Variants in SLC14A2 observed in about 807,000 individuals in gnomAD.
SLC14A2 encodes solute carrier family 14 member 2, also known as urea transporter 2.
A neutral mutation model predicts 104.6 loss-of-function variants in SLC14A2; 91 were observed. The ratio of observed to expected loss-of-function variants is 0.87; its 90% CI spans 0.73 to 1.04. The LOEUF (loss-of-function observed/expected upper bound fraction) is 1.04. Among genes scored for constraint, SLC14A2 ranks in the 50% least tolerant of loss-of-function variants. The pLI, the probability that SLC14A2 is intolerant of heterozygous loss-of-function variation, is 0.00. For synonymous variants in SLC14A2, 476 were observed against 466.4 expected (o/e 1.02, Z -0.27); for missense variants, 1,189 against 1,156.0 (o/e 1.03, Z -0.41).
At chr18:45,323,115 T>C (rs958162774) in intron 1 of SLC14A2, among the ~76,000 whole-genome samples, 2 of 152,214 alleles carry the variant, frequency 1.3e-5, no homozygotes, top group Non-Finnish European at 2.9e-5. Flanking sequence ...AAGGCTATTT[T>C]TTCAGAGTAA....
rs185348858 is a variant in SLC14A2, at chr18:45,561,416, G to A, written c.-34-63215G>A. ...GCAGTTTGTCTGCTGCTAGGGCTGC[G>A]GAACCCAGGCCAGGTGTTCCAGAGG... On this transcript the variant is annotated intron_variant, in intron 2 of 20. Transcript: ENST00000586448. 7.6e-4 allele frequency among the ~76,000 whole-genome samples: 116 copies of A among 152,222 alleles called. 3 individuals are homozygous for A. The East Asian group carries it at 0.013, about 17-fold the overall frequency.
chr18:45,391,687 C>T (rs1034117512), intron 1 of SLC14A2, among the ~76,000 whole-genome samples: 7 of 152,172 alleles, frequency 4.6e-5, no homozygotes, highest in Admixed American at 6.6e-5. Flanking sequence ...TGATGATGAG[C>T]ATTTTTTCAT....
chr18:45,502,298 C>A (rs1226925539), intron 2 of SLC14A2, among the ~76,000 whole-genome samples: 1 of 152,174 alleles, frequency 6.6e-6, no homozygotes. Context: ...TTTCACATAT[C>A]ATCTTGAACT....
intron 2 of SLC14A2, among the ~76,000 whole-genome samples, chr18:45,517,928 G>A (rs1223264668): frequency 6.6e-6 from 1 of 152,162 alleles, no homozygotes; most frequent in Non-Finnish European, 1.5e-5. Context: ...AGAATAAGGT[G>A]CTTATTGTAA....
intron 1 of SLC14A2, among the ~76,000 whole-genome samples, chr18:45,236,417 ATG>A (rs1395606878): frequency 8.2e-5 from 2 of 24,426 alleles, no homozygotes; most frequent in South Asian, 3.0e-3. Context: ...ATATACATGT[ATG>A]TGTGTATATA....
chr18:45,225,796 T>C (rs909654197), intron 1 of SLC14A2, among the ~76,000 whole-genome samples: 1 of 152,160 alleles, frequency 6.6e-6, no homozygotes, highest in Non-Finnish European at 1.5e-5. Context: ...TGTTTGTCTG[T>C]TATTGGTGTA....
At chr18:45,350,697 C>T (rs2085494611) in intron 1 of SLC14A2, among the ~76,000 whole-genome samples, 1 of 151,914 alleles carries the variant, frequency 6.6e-6, no homozygotes. Flanking sequence ...TTCTGCCTCA[C>T]TCCCAGCACA....
chr18:45,503,803 G>A (rs968544426), intron 2 of SLC14A2, among the ~76,000 whole-genome samples: 5 of 28,600 alleles, frequency 1.7e-4, no homozygotes, highest in African/African-American at 3.7e-4. Context: ...TAATCAGCCT[G>A]GTAGATTCAG....
chr18:45,307,995 G>A (rs939818771), intron 1 of SLC14A2, among the ~76,000 whole-genome samples: 12 of 152,172 alleles, frequency 7.9e-5, no homozygotes, highest in African/African-American at 2.9e-4. Flanking sequence ...CACATCACAT[G>A]GCAAGAATGG....
intron 2 of SLC14A2, among the ~76,000 whole-genome samples, chr18:45,515,772 A>G (rs1598948103): frequency 6.6e-6 from 1 of 152,244 alleles, no homozygotes; most frequent in African/African-American, 2.4e-5. Context: ...AATTGGTGCA[A>G]TCATTGGGTT....
At chr18:45,283,849 C>T (rs972579343) in intron 1 of SLC14A2, among the ~76,000 whole-genome samples, 6 of 152,182 alleles carry the variant, frequency 3.9e-5, no homozygotes, top group African/African-American at 1.4e-4. Flanking sequence ...GCCCTTAAAG[C>T]TGTGCTTTCT....
chr18:45,237,920 A>T (rs1258618744), intron 1 of SLC14A2, among the ~76,000 whole-genome samples: 1 of 152,240 alleles, frequency 6.6e-6, no homozygotes, highest in Non-Finnish European at 1.5e-5. Context: ...CCTTGAAGAT[A>T]GCTTTTAAAT....
At chr18:45,401,501 A>G (rs2086095673) in intron 1 of SLC14A2, among the ~76,000 whole-genome samples, 1 of 152,202 alleles carries the variant, frequency 6.6e-6, no homozygotes, top group Non-Finnish European at 1.5e-5. Context: ...CAGGAGGCTG[A>G]AGCTGATGGC....
intron 2 of SLC14A2, among the ~76,000 whole-genome samples, chr18:45,519,507 G>A (rs531194585): frequency 6.6e-6 from 1 of 152,286 alleles, no homozygotes; most frequent in African/African-American, 2.4e-5. Context: ...GCGTGAGCAT[G>A]AGCACACACA....
At chr18:45,240,963 G>A (rs2084309741) in intron 1 of SLC14A2, among the ~76,000 whole-genome samples, 1 of 152,130 alleles carries the variant, frequency 6.6e-6, no homozygotes, top group African/African-American at 2.4e-5. Context: ...CAGCTTCATG[G>A]AGGAAGAAAG....
intron 18 of SLC14A2, among the ~76,000 whole-genome samples, chr18:45,675,934 G>T (rs1048389234): frequency 2.0e-5 from 3 of 151,874 alleles, no homozygotes; most frequent in African/African-American, 7.3e-5. Context: ...AGGAGGGAAT[G>T]ATAGCTCCTT....
intron 1 of SLC14A2, among the ~76,000 whole-genome samples, chr18:45,379,678 A>G (rs1179929213): frequency 2.0e-4 from 30 of 152,240 alleles, no homozygotes; most frequent in Admixed American, 2.0e-3. Flanking sequence ...ATCAACTTTT[A>G]TCAAAGCTGA....
At chr18:45,534,135 G>A (rs2043743595) in intron 2 of SLC14A2, among the ~76,000 whole-genome samples, 1 of 152,152 alleles carries the variant, frequency 6.6e-6, no homozygotes, top group African/African-American at 2.4e-5. Flanking sequence ...TTGAGTGTGA[G>A]GAAGCAAAGC....
At chr18:45,394,176 C>A (rs1243745940) in intron 1 of SLC14A2, among the ~76,000 whole-genome samples, 2 of 152,166 alleles carry the variant, frequency 1.3e-5, no homozygotes, top group African/African-American at 4.8e-5. Flanking sequence ...CAATTGTTTG[C>A]AAAATTAAAT....
Sources: gnomAD v4.1 joint callset for allele counts (sites outside exome capture counted in the v4.1 genomes callset) on GRCh38, gnomAD v4.1.1 for gene constraint, MANE v1.5 for transcripts, NCBI Gene and HGNC (gene_info 2026-07-23, HGNC 2026-07-21) for gene names.